ADGRE5: variants seen among roughly 807,000 people sequenced by gnomAD.
ADGRE5 encodes adhesion G protein-coupled receptor E5.
Under a neutral mutation model 100.3 loss-of-function variants are expected in ADGRE5, and 72 were observed. The observed-to-expected ratio is 0.72, with a 90% CI of 0.59 to 0.87. The LOEUF is 0.87. ADGRE5 is among the 40% of genes least tolerant of loss of function. ADGRE5 has a pLI of 0.00. For synonymous variants in ADGRE5, 439 were observed against 447.8 expected, an observed-to-expected ratio of 0.98 and a Z score of 0.25; for missense variants, 959 against 1,094.7, an observed-to-expected ratio of 0.88 and a Z score of 1.75.
Position 14,401,195 on chromosome 19 carries a change from C to T in ADGRE5, c.898-191C>T, listed in dbSNP as rs115661607. ...CAGCCCGTGCCCAACCAGTGTTAAG[C>T]GCTGTGATTCATACGTGCATGCAGG... On this transcript the variant is annotated intron_variant, in intron 9 of 19. Transcript: ENST00000242786. This position sits in a 1 kb window ranked among gnomAD's most constrained non-coding sequence, Gnocchi z 4.1. 0.017 allele frequency among the ~76,000 whole-genome samples: 2,639 copies of T among 152,268 alleles called. 81 individuals are homozygous for T. The highest frequency in any genetic ancestry group is 0.06 in the African/African-American group (2,478 of 41,554).
intron 4 of ADGRE5, among the ~76,000 whole-genome samples, chr19:14,394,560 T>C (rs762104456): frequency 1.1e-4 from 17 of 152,080 alleles, no homozygotes; most frequent in Non-Finnish European, 2.5e-4. Flanking sequence ...GGCATCTTAT[T>C]TGCATAAAAC....
intron 4 of ADGRE5, among the ~76,000 whole-genome samples, chr19:14,395,534 A>G (rs1455903118): frequency 6.6e-6 from 1 of 152,218 alleles, no homozygotes; most frequent in Non-Finnish European, 1.5e-5. Flanking sequence ...ATGAGAGGAC[A>G]GATACATCTG....
At chr19:14,393,326 G>A (rs1162475518) in intron 4 of ADGRE5, among the ~76,000 whole-genome samples, 1 of 152,184 alleles carries the variant, frequency 6.6e-6, no homozygotes, top group Non-Finnish European at 1.5e-5. Flanking sequence ...CGTAGGGTGC[G>A]AGATCAGAGA....
chr19:14,384,566 C>T (rs1052886971), intron 1 of ADGRE5, among the ~76,000 whole-genome samples: 10 of 152,154 alleles, frequency 6.6e-5, no homozygotes, highest in Admixed American at 3.3e-4. Flanking sequence ...AGGGACTGGA[C>T]GTCCCCTCCC....
In ADGRE5 at chr19:14,404,579, A is replaced by G. The variant is rs2088730512; in HGVS notation, c.1629+17A>G. On this transcript the variant is annotated intron_variant, in intron 13 of 19. Transcript: ENST00000242786. ...GACGTGGAGGTAAGTAGCTGGAGGC[A>G]TCCTCAAGTGCCCACAGGTAATGAG... 1 of 1,609,322 alleles carries G rather than the reference A, an allele frequency of 6.2e-7. No individual in the cohort carries two copies. The highest frequency in any genetic ancestry group is 1.3e-5 in the African/African-American group (1 of 74,730).
chr19:14,389,614 T>G (rs1975522424), intron 3 of ADGRE5, among the ~76,000 whole-genome samples: 1 of 151,150 alleles, frequency 6.6e-6, no homozygotes, highest in South Asian at 2.1e-4. Flanking sequence ...TGGTCACCTG[T>G]AATCCCAGCT....
At position 14,406,441 on chromosome 19, in the gene ADGRE5, G is replaced by C. The variant is rs775715718; in HGVS notation, c.1932G>C (p.Val644=). 3.2e-6 allele frequency: 5 copies of C among 1,584,928 alleles called. No individual in the cohort carries two copies. In the South Asian group the frequency reaches 5.7e-5, roughly 18 times the overall value. The change falls in exon 15 of 20, where the codon GTG becomes GTC. Residue 644 remains valine (V), a synonymous_variant. Transcript: ENST00000242786. This position sits in a 1 kb window ranked among gnomAD's most constrained non-coding sequence, Gnocchi z 6.0. The part of the protein sequence containing the change: ...GLELYFLVVR[V]FQGQGLSTRW... ...AGCTCTACTTTCTTGTGGTGCGCGT[G>C]TTCCAAGGCCAGGGCCTGAGTACGC...
chr19:14,383,758 G>C (rs1244225338), intron 1 of ADGRE5, among the ~76,000 whole-genome samples: 1 of 151,738 alleles, frequency 6.6e-6, no homozygotes, highest in Admixed American at 6.6e-5. Flanking sequence ...CAAGGCCCCA[G>C]ATGGAGGCAG....
At chr19:14,395,895 A>G (rs949910055) in intron 4 of ADGRE5, among the ~76,000 whole-genome samples, 1 of 152,154 alleles carries the variant, frequency 6.6e-6, no homozygotes, top group Non-Finnish European at 1.5e-5. Flanking sequence ...TGGATGGGAG[A>G]GCAGCATCCT....
chr19:14,390,810 T>G (rs1037940972), intron 3 of ADGRE5, 114 bp from the exon 4 acceptor site: 2 of 1,348,330 alleles, frequency 1.5e-6, no homozygotes, highest in East Asian at 5.0e-5. Context: ...AACTTAAGAT[T>G]TTTTCCAAAA....
intron 4 of ADGRE5, among the ~76,000 whole-genome samples, chr19:14,392,152 T>C (rs138575904): frequency 0.01 from 1,515 of 149,720 alleles, 29 homozygotes; most frequent in African/African-American, 0.036. Flanking sequence ...CTCATGCCTG[T>C]AATCCCAACA....
intron 1 of ADGRE5, 61 bp from the exon 2 acceptor site, chr19:14,388,389 C>T: frequency 7.1e-7 from 1 of 1,400,642 alleles, no homozygotes; most frequent in Non-Finnish European, 9.6e-7. Context: ...AGTGCATCAC[C>T]CTTACGCCTC....
intron 1 of ADGRE5, 140 bp from the exon 2 acceptor site, chr19:14,388,310 T>G: frequency 6.9e-7 from 1 of 1,447,862 alleles, no homozygotes; most frequent in South Asian, 1.3e-5. Context: ...GAGTGGGACA[T>G]GACATCTGCT....
At chr19:14,389,485 C>T (rs1975516209) in intron 3 of ADGRE5, among the ~76,000 whole-genome samples, 1 of 150,858 alleles carries the variant, frequency 6.6e-6, no homozygotes, top group African/African-American at 2.4e-5. Flanking sequence ...GTAATCCCAG[C>T]ACTTCAGGAG....
intron 4 of ADGRE5, among the ~76,000 whole-genome samples, chr19:14,395,768 C>T (rs1975753641): frequency 6.6e-6 from 1 of 152,316 alleles, no homozygotes; most frequent in East Asian, 1.9e-4. Flanking sequence ...GCAGCCCTAG[C>T]CTGTCCCACA....
intron 1 of ADGRE5, among the ~76,000 whole-genome samples, chr19:14,385,696 G>A (rs1008639786): frequency 6.6e-6 from 1 of 152,120 alleles, no homozygotes; most frequent in Non-Finnish European, 1.5e-5. Context: ...TGGGTGTGGT[G>A]TGTGTGCACC....
At chr19:14,407,510 C>T (rs1171948938) in intron 18 of ADGRE5, among the ~76,000 whole-genome samples, 1 of 151,964 alleles carries the variant, frequency 6.6e-6, no homozygotes, top group African/African-American at 2.4e-5. Flanking sequence ...ATTAGCCAGG[C>T]ATGGTGGCAC....
chr19:14,408,109 G>A lies in ADGRE5; in HGVS notation c.2496G>A (p.Glu832=), dbSNP rs546050716. The change falls in exon 20 of 20, where the codon GAG becomes GAA. Residue 832 remains glutamate, a synonymous_variant. Coordinates refer to ENST00000242786, the MANE Select transcript of ADGRE5 (RefSeq NM_078481.4). ...CTCTCCAGGCCCTCAGGGCATCAGAGTCCGGCATATGAAGGCGCATGGTTC... is the reference window on the plus strand; with the variant it reads ...CTCTCCAGGCCCTCAGGGCATCAGAATCCGGCATATGAAGGCGCATGGTTC... ...HNQTRALRAS[E]SGI 1 of 1,613,600 alleles carries A rather than the reference G, an allele frequency of 6.2e-7. No individual in the cohort carries two copies. Among genetic ancestry groups the A allele is most frequent in the South Asian group, 1.1e-5 (1 of 91,062 alleles).
At chr19:14,395,356 C>A (rs1392949815) in intron 4 of ADGRE5, among the ~76,000 whole-genome samples, 1 of 151,936 alleles carries the variant, frequency 6.6e-6, no homozygotes, top group Non-Finnish European at 1.5e-5. Flanking sequence ...AAGGAGGCGG[C>A]TCCAGCCTGG....
Sources: gnomAD v4.1 joint callset for allele counts (sites outside exome capture counted in the v4.1 genomes callset) on GRCh38, gnomAD v4.1.1 for gene constraint, Gnocchi (gnomAD v3.1) non-coding constraint, MANE v1.5 for transcripts, NCBI Gene and HGNC (gene_info 2026-07-23, HGNC 2026-07-21) for gene names.